The following SLC38A8 variants were observed in gnomAD, a reference collection of about 807,000 sequenced individuals.
The protein encoded by SLC38A8 is solute carrier family 38 member 8, also known as amino acid transporter SLC38A8.
Under a neutral mutation model 46.0 loss-of-function variants are expected in SLC38A8, and 65 were observed. That is an observed-to-expected ratio of 1.41 (90% CI 1.16 to 1.74). The LOEUF (loss-of-function observed/expected upper bound fraction) is 1.74, where lower values mean the gene tolerates loss of function less well. Among genes scored for constraint, SLC38A8 ranks in the 40% most tolerant of loss-of-function variants. The probability of loss-of-function intolerance (pLI) is 0.00; values close to 1 mark genes in which losing one functional copy is unlikely to be tolerated. For missense variants in SLC38A8, 998 were observed against 567.9 expected (o/e 1.76, Z -7.70); for synonymous variants, 447 against 243.7 (o/e 1.83, Z -7.77).
chr16:84,017,176 A>G lies in SLC38A8; in HGVS notation c.917T>C (p.Ile306Thr). Residue 306 changes from isoleucine to threonine, a missense_variant, in exon 8 of 11, where the codon ATC becomes ACC. By Grantham distance (89) the Ile-to-Thr change is moderately conservative. Transcript: ENST00000299709. ...IVARVLFAVS[I>T]VTVYPIVLFL... The stretch of plus-strand genomic sequence containing the variant: ...GAGCACGATGGGGTAGACAGTTACG[A>G]TGGAGACAGCAAAAAGGACCCGGGC... 6 of 1,614,134 alleles carry G rather than the reference A, an allele frequency of 3.7e-6. No homozygotes were observed. Among genetic ancestry groups the G allele is most frequent in the Non-Finnish European group, 3.4e-6 (4 of 1,180,030 alleles).
At chr16:84,020,448 T>G (rs1472118399) in intron 7 of SLC38A8, among the ~76,000 whole-genome samples, 1 of 152,216 alleles carries the variant, frequency 6.6e-6, no homozygotes, top group African/African-American at 2.4e-5. Flanking sequence ...ACACCTGGCC[T>G]GAAGAACATC....
chr16:84,019,892 G>C (rs1173619998), intron 7 of SLC38A8, among the ~76,000 whole-genome samples: 2 of 152,244 alleles, frequency 1.3e-5, no homozygotes, highest in Non-Finnish European at 1.5e-5. Flanking sequence ...CATCTGTTTT[G>C]ACACCATGTG....
At chr16:84,023,750 C>T (rs114770539) in intron 6 of SLC38A8, among the ~76,000 whole-genome samples, 2,665 of 152,236 alleles carry the variant, frequency 0.018, 89 homozygotes, top group African/African-American at 0.061. Context: ...AAAAATTAGC[C>T]GGGCATGGTA....
intron 10 of SLC38A8, among the ~76,000 whole-genome samples, chr16:84,010,087 T>TC (rs1404724513): frequency 6.7e-6 from 1 of 149,974 alleles, no homozygotes. Context: ...TTTTTTTTTT[T>TC]TGAGGTGGAG....
chr16:84,018,378 G>A (rs1299980385), intron 7 of SLC38A8, among the ~76,000 whole-genome samples: 8 of 151,622 alleles, frequency 5.3e-5, no homozygotes, highest in South Asian at 4.2e-4. Flanking sequence ...GACTACAGAC[G>A]CCCGCCACAT....
At chr16:84,020,287 G>T (rs544760198) in intron 7 of SLC38A8, among the ~76,000 whole-genome samples, 188 of 152,224 alleles carry the variant, frequency 1.2e-3, no homozygotes, top group African/African-American at 4.3e-3. Context: ...GGAACTACAG[G>T]CTCACACCAC....
At position 84,024,592 on chromosome 16, in the gene SLC38A8, C is replaced by A. The variant is rs371832627; in HGVS notation, c.691-1703G>T. 2.6e-5 allele frequency among the ~76,000 whole-genome samples: 4 copies of A among 151,934 alleles called. No homozygotes were observed. In the South Asian group the frequency reaches 8.3e-4, roughly 31 times the overall value. ...GGTCTGGAGTTCGAGACCAGCCTGGCCAACATGGTGAAACCCCGTCTCTAC... is the reference window on the plus strand; with the variant it reads ...GGTCTGGAGTTCGAGACCAGCCTGGACAACATGGTGAAACCCCGTCTCTAC... On this transcript the variant is annotated intron_variant, in intron 6 of 10. Coordinates refer to ENST00000299709, the MANE Select transcript of SLC38A8 (RefSeq NM_001080442.3).
chr16:84,011,350 G>A (rs1187733812), intron 10 of SLC38A8, among the ~76,000 whole-genome samples: 2 of 152,222 alleles, frequency 1.3e-5, no homozygotes, highest in African/African-American at 2.4e-5. Context: ...AGCGGCTTAG[G>A]GGGTTACCAG....
intron 2 of SLC38A8, among the ~76,000 whole-genome samples, chr16:84,039,144 C>T (rs1035738837): frequency 2.0e-5 from 3 of 152,104 alleles, no homozygotes; most frequent in Admixed American, 2.0e-4. Flanking sequence ...CCAAGAAGCA[C>T]CTGGAGCCAC....
intron 4 of SLC38A8, 47 bp downstream of exon 4, chr16:84,033,281 C>T (rs1245993872): frequency 1.9e-6 from 3 of 1,612,750 alleles, no homozygotes; most frequent in African/African-American, 2.7e-5. Flanking sequence ...CTGACACAAA[C>T]ACTCAGCAAG....
intron 6 of SLC38A8, among the ~76,000 whole-genome samples, chr16:84,028,485 T>A (rs762447636): frequency 9.9e-5 from 15 of 151,154 alleles, no homozygotes; most frequent in Non-Finnish European, 2.1e-4. Flanking sequence ...CTCAGGAGGC[T>A]TGAACCCAGG....
chr16:84,032,040 G>A lies in SLC38A8; in HGVS notation c.531-72C>T, dbSNP rs151177474. On this transcript the variant is annotated intron_variant, in intron 4 of 10. Transcript: ENST00000299709. ...GGTTGATGCACGGGGACAGTAGTGG[G>A]ATCTGAATCCCAGCTCCGCCCTTGA... 1.9e-3 allele frequency: 2,551 copies of A among 1,319,744 alleles called. 32 individuals are homozygous for A. The African/African-American group carries it at 0.031, about 16-fold the overall frequency. 81.8% of individuals were successfully genotyped at this position (1,319,744 alleles called of 1,614,324 possible).
chr16:84,012,645 G>A (rs1305364769), intron 10 of SLC38A8, among the ~76,000 whole-genome samples: 3 of 152,206 alleles, frequency 2.0e-5, no homozygotes, highest in South Asian at 2.1e-4. Flanking sequence ...GCCGGCCATG[G>A]GGCCTTTCTA....
chr16:84,036,077 G>A (rs967784716), intron 3 of SLC38A8, among the ~76,000 whole-genome samples: 1 of 152,168 alleles, frequency 6.6e-6, no homozygotes, highest in Non-Finnish European at 1.5e-5. Flanking sequence ...AGACAGCAAT[G>A]ATACAGACTC....
intron 10 of SLC38A8, among the ~76,000 whole-genome samples, chr16:84,012,319 T>C (rs912607533): frequency 3.3e-5 from 5 of 152,192 alleles, no homozygotes; most frequent in Admixed American, 6.5e-5. Flanking sequence ...AGCTGCTCAG[T>C]GGCAAAGTAC....
chr16:84,033,792 C>T (rs531177617), intron 3 of SLC38A8, among the ~76,000 whole-genome samples: 44 of 152,254 alleles, frequency 2.9e-4, no homozygotes, highest in African/African-American at 9.6e-4. Context: ...CTTTTGGTTT[C>T]GTTCGGGAAC....
Position 84,016,458 on chromosome 16 carries a change from C to A in SLC38A8, c.1162+61G>T, listed in dbSNP as rs1056461783. On this transcript the variant is annotated intron_variant, in intron 9 of 10. Coordinates refer to ENST00000299709, the MANE Select transcript of SLC38A8 (RefSeq NM_001080442.3). ...AACCTTGACCTCCAACACTGGGAGT[C>A]CCCACAGAGATGAGCAGGGAAGAAC... 5.1e-6 allele frequency: 8 copies of A among 1,566,180 alleles called. No individual in the cohort carries two copies. The African/African-American group carries it at 1.1e-4, about 21-fold the overall frequency.
intron 10 of SLC38A8, 54 bp from the exon 11 acceptor site, chr16:84,009,931 G>C (rs182664042): frequency 0.011 from 16,095 of 1,503,672 alleles, 119 homozygotes; most frequent in Non-Finnish European, 0.013. Context: ...GCACAAATAA[G>C]CCACACACAC....
In SLC38A8 at chr16:84,032,881, G is replaced by C. The variant is rs796789038; in HGVS notation, c.530+447C>G. On this transcript the variant is annotated intron_variant, in intron 4 of 10. Transcript: ENST00000299709. ...GCGTGCATGGGCACGGGGACATGCGGGGATGGGGGTGCATGTGTGGGTGGG... is the reference window on the plus strand; with the variant it reads ...GCGTGCATGGGCACGGGGACATGCGCGGATGGGGGTGCATGTGTGGGTGGG... Among the ~76,000 whole-genome samples the C allele has an allele frequency of 5.6e-4, 85 of 151,472 alleles. 1 individual carries two copies. Among genetic ancestry groups the C allele is most frequent in the Middle Eastern group, 3.4e-3 (1 of 294 alleles).
Sources: gnomAD v4.1 joint callset for allele counts (sites outside exome capture counted in the v4.1 genomes callset) on GRCh38, gnomAD v4.1.1 for gene constraint, MANE v1.5 for transcripts, NCBI Gene and HGNC (gene_info 2026-07-23, HGNC 2026-07-21) for gene names.